Variants in RPAP2 observed in about 807,000 individuals in gnomAD.
The protein encoded by RPAP2 is putative RNA polymerase II subunit B1 CTD phosphatase RPAP2.
A neutral mutation model predicts 73.1 loss-of-function variants in RPAP2; 52 were observed. The ratio of observed to expected loss-of-function variants is 0.71; its 90% confidence interval spans 0.57 to 0.90. The LOEUF is 0.90. RPAP2 is among the 40% of genes least tolerant of loss of function. The pLI, the probability that RPAP2 is intolerant of heterozygous loss-of-function variation, is 0.00. For missense variants in RPAP2, 598 were observed against 701.8 expected, an observed-to-expected ratio of 0.85 and a Z score of 1.67; for synonymous variants, 225 against 242.1, an observed-to-expected ratio of 0.93 and a Z score of 0.65.
chr1:92,309,584 TACAC>T (rs1481874055), intron 6 of RPAP2, among the ~76,000 whole-genome samples: 2 of 7,264 alleles, frequency 2.8e-4, no homozygotes, highest in South Asian at 0.016. Flanking sequence ...TACATATACA[TACAC>T]ATACACATAC....
chr1:92,300,149 T>C (rs951237918), intron 1 of RPAP2, 45 bp from the exon 2 acceptor site: 14 of 1,372,430 alleles, frequency 1.0e-5, no homozygotes, highest in Non-Finnish European at 1.4e-5. Context: ...GTCCGTCGTT[T>C]ACGGAAATGT....
In RPAP2 at chr1:92,369,449, C is replaced by T. The variant is rs367883832; in HGVS notation, c.1689-11275C>T. On this transcript the variant is annotated intron_variant, in intron 11 of 12. Transcript: ENST00000610020. ...CTCAGCCTCTTGTTGGGACTTCAGG[C>T]GTGCACCTCCACACTCAACTAATTT... is the stretch of plus-strand genomic sequence containing the variant. Among the ~76,000 whole-genome samples, 8 of 152,098 alleles carry T rather than the reference C, an allele frequency of 5.3e-5. No homozygotes were observed. In the East Asian group the frequency reaches 9.6e-4, roughly 18 times the overall value.
rs540316793 is a variant in RPAP2 at position 92,302,907 on chromosome 1, AT to A, written c.235-1061del. Among the ~76,000 whole-genome samples the A allele has an allele frequency of 8.6e-5, 13 of 150,594 alleles. No homozygotes were observed. The East Asian group carries it at 2.2e-3, about 25-fold the overall frequency. On this transcript the variant is annotated intron_variant, in intron 3 of 12. Coordinates refer to ENST00000610020, the MANE Select transcript of RPAP2 (RefSeq NM_024813.3). ...GAGCCACTGCTCTCGGCCCGCATTA[AT>A]TTTTTTTTGGCCAGGCACGATGGCT...
Position 92,387,058 on chromosome 1 carries a change from T to G in RPAP2, c.*47T>G, listed in dbSNP as rs1655894669. ...AGAAGATGAACTTCTATTCACCGTT[T>G]CTGGAATTCTAGCCGCCATGATGGT... On this transcript the variant is annotated 3_prime_UTR_variant, in exon 13 of 13. Coordinates refer to ENST00000610020, the MANE Select transcript of RPAP2 (RefSeq NM_024813.3). The G allele has an allele frequency of 1.3e-6, 2 of 1,564,400 alleles. No homozygotes were observed. The highest frequency in any genetic ancestry group is 1.4e-5 in the African/African-American group (1 of 73,878).
At chr1:92,355,664 G>C (rs143338155) in intron 11 of RPAP2, among the ~76,000 whole-genome samples, 91 of 152,218 alleles carry the variant, frequency 6.0e-4, no homozygotes, top group Middle Eastern at 3.4e-3. Flanking sequence ...TTCTAGTGCA[G>C]ACTTTAGTTG....
chr1:92,318,988 T>G (rs757253680), intron 6 of RPAP2, among the ~76,000 whole-genome samples: 40 of 151,406 alleles, frequency 2.6e-4, no homozygotes, highest in Non-Finnish European at 5.7e-4. Context: ...ATCAAAGGAT[T>G]GTTTGTTTGT....
rs766172194 is a variant in RPAP2 at position 92,394,790 on chromosome 1, T to C, written c.*7779T>C. ...AAATTAATCTACAATGCAATCCCTA[T>C]CAAAATCACAGCAGGCTTTTTTGAA... is the stretch of plus-strand genomic sequence containing the variant. On this transcript the variant is annotated 3_prime_UTR_variant, in exon 13 of 13. Coordinates refer to ENST00000610020, the MANE Select transcript of RPAP2 (RefSeq NM_024813.3). The C allele has an allele frequency of 2.4e-4, 37 of 152,176 alleles. No individual in the cohort carries two copies. The highest frequency in any genetic ancestry group is 4.3e-4 in the Non-Finnish European group (29 of 68,038). The allele number at this position is 152,176 out of a possible 1,614,324, so 9.4% of individuals were successfully genotyped here. A position where few individuals can be genotyped will look rare whatever the true frequency, so the allele number is the denominator to read the frequency against.
At chr1:92,326,079 A>T (rs1263520480) in intron 8 of RPAP2, among the ~76,000 whole-genome samples, 1 of 151,910 alleles carries the variant, frequency 6.6e-6, no homozygotes, top group Non-Finnish European at 1.5e-5. Flanking sequence ...ATATGCATAT[A>T]TGCAACTATA....
rs557790568 is a variant in RPAP2 at position 92,311,176 on chromosome 1, GT to G, written c.488+3904del. On this transcript the variant is annotated intron_variant, in intron 6 of 12. Transcript: ENST00000610020. ...TTGGATTTAGCTCACGTTTTTGGTTGTTTTACTGTAGGAAACCTGCTTCTCA... is the reference window on the plus strand; with the variant it reads ...TTGGATTTAGCTCACGTTTTTGGTTGTTTACTGTAGGAAACCTGCTTCTCA... Among the ~76,000 whole-genome samples, 385 of 152,206 alleles carry G rather than the reference GT, an allele frequency of 2.5e-3. 3 individuals carry two copies. Among genetic ancestry groups the G allele is most frequent in the South Asian group, 9.3e-3 (45 of 4,824 alleles).
chr1:92,361,936 T>A (rs1654753325), intron 11 of RPAP2, among the ~76,000 whole-genome samples: 1 of 152,194 alleles, frequency 6.6e-6, no homozygotes, highest in Admixed American at 6.5e-5. Context: ...TTTTAGTTAT[T>A]TATCTGATGC....
chr1:92,360,073 G>A (rs1323192250), intron 11 of RPAP2, among the ~76,000 whole-genome samples: 2 of 152,204 alleles, frequency 1.3e-5, no homozygotes, highest in African/African-American at 4.8e-5. Context: ...CAAGGTCAGA[G>A]CTAAGATTCA....
chr1:92,378,985 C>A (rs542733730), intron 11 of RPAP2, among the ~76,000 whole-genome samples: 1 of 152,324 alleles, frequency 6.6e-6, no homozygotes, highest in Admixed American at 6.5e-5. Context: ...TGGACTATTG[C>A]AGTCATCTCA....
At chr1:92,322,203 C>T (rs1282429237) in intron 7 of RPAP2, among the ~76,000 whole-genome samples, 2 of 151,542 alleles carry the variant, frequency 1.3e-5, no homozygotes, top group Non-Finnish European at 2.9e-5. Flanking sequence ...GCCTTGGCCT[C>T]CCAAGGTGCT....
chr1:92,313,420 A>G (rs1391103341), intron 6 of RPAP2, among the ~76,000 whole-genome samples: 1 of 149,562 alleles, frequency 6.7e-6, no homozygotes, highest in Non-Finnish European at 1.5e-5. Context: ...ATTGTTAATA[A>G]TCAGTAATAT....
intron 10 of RPAP2, among the ~76,000 whole-genome samples, chr1:92,342,012 G>C (rs1443215684): frequency 6.6e-6 from 1 of 152,144 alleles, no homozygotes; most frequent in African/African-American, 2.4e-5. Context: ...TAGCTCCTTT[G>C]GCTATATGCT....
At position 92,389,144 on chromosome 1, in the gene RPAP2, G is replaced by C. The variant is rs866417911; in HGVS notation, c.*2133G>C. The C allele has an allele frequency of 6.6e-6, 1 of 152,364 alleles. No homozygotes were observed. Among genetic ancestry groups the C allele is most frequent in the South Asian group, 2.1e-4 (1 of 4,832 alleles). 9.4% of individuals were successfully genotyped at this position (152,364 alleles called of 1,614,324 possible). ...TGGGAGACATCTCCCAGTAGGCGCC[G>C]AAAGACACCTCAGAGAGGTAGATGC... On this transcript the variant is annotated 3_prime_UTR_variant, in exon 13 of 13. Coordinates refer to ENST00000610020, the MANE Select transcript of RPAP2 (RefSeq NM_024813.3).
rs1656232486 is a variant in RPAP2, at chr1:92,398,180, T to C, written c.*11169T>C. The C allele has an allele frequency of 6.6e-6, 1 of 152,168 alleles. No homozygotes were observed. Among genetic ancestry groups the C allele is most frequent in the African/African-American group, 2.4e-5 (1 of 41,450 alleles). The allele number at this position is 152,168 out of a possible 1,614,324, so 9.4% of individuals were successfully genotyped here. A position where few individuals can be genotyped will look rare whatever the true frequency, so the allele number is the denominator to read the frequency against. On this transcript the variant is annotated 3_prime_UTR_variant, in exon 13 of 13. Coordinates refer to ENST00000610020, the MANE Select transcript of RPAP2 (RefSeq NM_024813.3). ...AAAATTTTAAAATAACTGAAGAGTATAACTGGATTGTTTGTAACACAAAGG... is the reference window on the plus strand; with the variant it reads ...AAAATTTTAAAATAACTGAAGAGTACAACTGGATTGTTTGTAACACAAAGG...
chr1:92,378,290 C>T (rs1419733795), intron 11 of RPAP2, among the ~76,000 whole-genome samples: 5 of 152,188 alleles, frequency 3.3e-5, no homozygotes, highest in African/African-American at 7.2e-5. Context: ...CTGCAACCTC[C>T]GCCTCCTGGG....
intron 11 of RPAP2, among the ~76,000 whole-genome samples, chr1:92,364,882 G>C (rs1654876927): frequency 6.6e-6 from 1 of 152,096 alleles, no homozygotes. Context: ...GCAGGCCTTT[G>C]TTCAGCAACT....
Sources: gnomAD v4.1 joint callset for allele counts (sites outside exome capture counted in the v4.1 genomes callset) on GRCh38, gnomAD v4.1.1 for gene constraint, MANE v1.5 for transcripts, NCBI Gene and HGNC (gene_info 2026-07-23, HGNC 2026-07-21) for gene names.